TEX9: variants seen among roughly 807,000 people sequenced by gnomAD.
TEX9 encodes the protein testis-expressed protein 9.
TEX9 carries 74 observed loss-of-function variants against 59.6 expected under a neutral mutation model. The observed-to-expected ratio is 1.24, with a 90% CI of 1.03 to 1.51. TEX9 has a LOEUF of 1.51. TEX9 is among the 40% of genes most tolerant of loss of function. The probability of loss-of-function intolerance (pLI) is 0.00; values close to 1 mark genes in which losing one functional copy is unlikely to be tolerated. For synonymous variants in TEX9, 186 were observed against 152.2 expected (o/e 1.22, Z -1.64); for missense variants, 522 against 447.8 (o/e 1.17, Z -1.49).
At chr15:56,388,669 G>A (rs2048070154) in intron 5 of TEX9, 149 bp downstream of exon 5, 2 of 568,586 alleles carry the variant, frequency 3.5e-6, no homozygotes, top group Non-Finnish European at 6.2e-6. Flanking sequence ...TTTGTGAAGT[G>A]TCCCTCATAA....
intron 1 of TEX9, among the ~76,000 whole-genome samples, chr15:56,352,882 A>T (rs1404015872): frequency 1.3e-5 from 2 of 152,238 alleles, no homozygotes; most frequent in African/African-American, 2.4e-5. Context: ...TTCATACTAT[A>T]TGAGAGTTCT....
At chr15:56,262,891 T>C (rs74616931) in intron 1 of TEX9, among the ~76,000 whole-genome samples, 8,993 of 152,308 alleles carry the variant, frequency 0.059, 670 homozygotes, top group East Asian at 0.37. Flanking sequence ...CCTTAAAGTT[T>C]ACTTTGTCTG....
At chr15:56,397,148 A>G in intron 9 of TEX9, 1 of 165,808 alleles carries the variant, frequency 6.0e-6, no homozygotes, top group Non-Finnish European at 1.3e-5. Context: ...AATGAAATCC[A>G]GGCTGAGGTG....
intron 1 of TEX9, among the ~76,000 whole-genome samples, chr15:56,287,351 C>T (rs984680568): frequency 3.9e-5 from 6 of 151,932 alleles, no homozygotes; most frequent in African/African-American, 1.5e-4. Context: ...AGACACAAGA[C>T]TCCTGGGTGA....
chr15:56,374,693 T>A (rs566984098), intron 3 of TEX9: 1 of 152,132 alleles, frequency 6.6e-6, no homozygotes, highest in Non-Finnish European at 1.5e-5. Context: ...CTCCCACCCC[T>A]GCATCCCCCA....
intron 12 of TEX9, among the ~76,000 whole-genome samples, chr15:56,432,506 G>A (rs1254250374): frequency 6.6e-6 from 1 of 152,140 alleles, no homozygotes; most frequent in African/African-American, 2.4e-5. Flanking sequence ...ATCTGTCCTT[G>A]ACTTGGGGCC....
chr15:56,290,854 G>A (rs2045073930), intron 1 of TEX9, among the ~76,000 whole-genome samples: 1 of 151,730 alleles, frequency 6.6e-6, no homozygotes, highest in Non-Finnish European at 1.5e-5. Flanking sequence ...GCCCTCTCTG[G>A]GCTATTTTGG....
At chr15:56,249,286 C>T (rs1449441739) in intron 1 of TEX9, among the ~76,000 whole-genome samples, 3 of 152,116 alleles carry the variant, frequency 2.0e-5, no homozygotes, top group Admixed American at 6.5e-5. Context: ...CTCCAGGGGG[C>T]ACCATTCACA....
At chr15:56,452,244 G>A in the TEX9 span, among the ~76,000 whole-genome samples, 1 of 152,106 alleles carries the variant, frequency 6.6e-6, no homozygotes, top group African/African-American at 2.4e-5. Flanking sequence ...AGCAAAATTG[G>A]CAAAGGAAAA....
chr15:56,390,608 A>G (rs1375720544), intron 6 of TEX9, among the ~76,000 whole-genome samples: 1 of 152,008 alleles, frequency 6.6e-6, no homozygotes, highest in African/African-American at 2.4e-5. Context: ...GCCTTTAGAA[A>G]TGAGTTTGAT....
chr15:56,392,414 C>G (rs1480638214), intron 7 of TEX9, among the ~76,000 whole-genome samples: 1 of 151,870 alleles, frequency 6.6e-6, no homozygotes, highest in African/African-American at 2.4e-5. Context: ...TTTTAAACAA[C>G]CAGATTTCAT....
chr15:56,350,336 TG>T, intron 1 of TEX9, among the ~76,000 whole-genome samples: 1 of 152,344 alleles, frequency 6.6e-6, no homozygotes, highest in East Asian at 1.9e-4. Context: ...ACATAACCTT[TG>T]GCCTGTTAAT....
chr15:56,336,760 TC>T, intron 1 of TEX9, among the ~76,000 whole-genome samples: 1 of 152,276 alleles, frequency 6.6e-6, no homozygotes, highest in African/African-American at 2.4e-5. Flanking sequence ...GTATGGCCCT[TC>T]AGAATTATCC....
intron 9 of TEX9, among the ~76,000 whole-genome samples, chr15:56,401,893 A>G (rs2048805877): frequency 6.6e-6 from 1 of 152,244 alleles, no homozygotes; most frequent in Admixed American, 6.5e-5. Context: ...TGGGTACATA[A>G]TGAAATGAAG....
intron 1 of TEX9, among the ~76,000 whole-genome samples, chr15:56,286,201 G>T (rs1567073600): frequency 6.6e-6 from 1 of 151,854 alleles, no homozygotes; most frequent in African/African-American, 2.4e-5. Context: ...ACAATTCTTG[G>T]TTGTTGCATT....
intron 1 of TEX9, among the ~76,000 whole-genome samples, chr15:56,259,953 G>C (rs2044226346): frequency 6.6e-6 from 1 of 152,020 alleles, no homozygotes; most frequent in African/African-American, 2.4e-5. Flanking sequence ...TCACTTTAGT[G>C]ATCTTACATG....
chr15:56,391,279 C>T (rs144472631), exon 7 of TEX9: 48 of 1,582,154 alleles, frequency 3.0e-5, no homozygotes, highest in East Asian at 2.7e-4. Flanking sequence ...AAACTGCCGA[C>T]GATGTTGCCA....
chr15:56,412,535 C>T, intron 10 of TEX9, 99 bp downstream of exon 10: 2 of 1,253,722 alleles, frequency 1.6e-6, no homozygotes, highest in African/African-American at 3.0e-5. Context: ...TTCTTGATGT[C>T]ATGCTGAACA....
chr15:56,404,559 G>C (rs1287369350), intron 9 of TEX9, among the ~76,000 whole-genome samples: 2 of 152,182 alleles, frequency 1.3e-5, no homozygotes, highest in Non-Finnish European at 2.9e-5. Context: ...TTCAACTGTG[G>C]TGGAAGACAG....
Sources: gnomAD v4.1 joint callset for allele counts (sites outside exome capture counted in the v4.1 genomes callset) on GRCh38, gnomAD v4.1.1 for gene constraint, MANE v1.5 for transcripts, NCBI Gene and HGNC (gene_info 2026-07-23, HGNC 2026-07-21) for gene names.